Variants in PPP2R2C observed in about 807,000 individuals in gnomAD.
PPP2R2C encodes protein phosphatase 2 regulatory subunit Bgamma.
PPP2R2C carries 10 observed loss-of-function variants against 45.3 expected under a neutral mutation model. The observed-to-expected ratio is 0.22, with a 90% CI of 0.14 to 0.37. The LOEUF (loss-of-function observed/expected upper bound fraction) is 0.37, where lower values mean the gene tolerates loss of function less well. Among genes scored for constraint, PPP2R2C ranks in the 10% least tolerant of loss-of-function variants. PPP2R2C has a pLI of 1.00. For missense variants in PPP2R2C, 308 were observed against 619.7 expected, an observed-to-expected ratio of 0.50 and a Z score of 5.34; for synonymous variants, 257 against 245.4, an observed-to-expected ratio of 1.05 and a Z score of -0.44.
intron 6 of PPP2R2C, among the ~76,000 whole-genome samples, chr4:6,343,752 G>C (rs974642543): frequency 4.7e-4 from 72 of 152,162 alleles, no homozygotes; most frequent in African/African-American, 1.7e-3. Flanking sequence ...ACACCAAATA[G>C]ATTTGCACAC....
intron 6 of PPP2R2C, among the ~76,000 whole-genome samples, chr4:6,334,858 C>T (rs922030085): frequency 4.6e-5 from 7 of 152,280 alleles, no homozygotes; most frequent in East Asian, 1.9e-4. Flanking sequence ...CTGAGGCTCC[C>T]GAGAGGCCCC....
At chr4:6,391,159 G>T (rs1456316551) in intron 1 of PPP2R2C, among the ~76,000 whole-genome samples, 1 of 152,158 alleles carries the variant, frequency 6.6e-6, no homozygotes, top group Admixed American at 6.5e-5. Flanking sequence ...GGACACCCAG[G>T]AACCCAGGAT....
chr4:6,425,870 G>C (rs544067406), intron 1 of PPP2R2C, among the ~76,000 whole-genome samples: 3 of 152,150 alleles, frequency 2.0e-5, no homozygotes, highest in Admixed American at 6.5e-5. Flanking sequence ...TGTGGGGTGT[G>C]TGTGTGTGGT....
chr4:6,559,883 T>C (rs1725521097), intron 1 of PPP2R2C, among the ~76,000 whole-genome samples: 1 of 152,220 alleles, frequency 6.6e-6, no homozygotes, highest in African/African-American at 2.4e-5. Flanking sequence ...TGGTGTTTTG[T>C]TACGGCAGCC....
At chr4:6,406,988 A>T (rs1453678732) in intron 1 of PPP2R2C, among the ~76,000 whole-genome samples, 1 of 152,126 alleles carries the variant, frequency 6.6e-6, no homozygotes, top group Non-Finnish European at 1.5e-5. Context: ...AAAGAGGAGG[A>T]GGTGATGTAA....
intron 1 of PPP2R2C, chr4:6,383,182 G>T (rs185308310): frequency 8.4e-7 from 1 of 1,183,752 alleles, no homozygotes; most frequent in African/African-American, 1.6e-5. Context: ...CAGGACCTGC[G>T]CAGGCTGGCC....
chr4:6,430,298 C>A (rs1304959666), intron 1 of PPP2R2C, among the ~76,000 whole-genome samples: 2 of 152,302 alleles, frequency 1.3e-5, no homozygotes. Context: ...GAAGCTGAGG[C>A]CCAGAGAGGC....
intron 6 of PPP2R2C, among the ~76,000 whole-genome samples, chr4:6,340,828 G>C (rs544827004): frequency 1.3e-5 from 2 of 152,366 alleles, no homozygotes; most frequent in South Asian, 4.1e-4. Flanking sequence ...GCTCTGGCCT[G>C]TGAGGCCTCC....
At chr4:6,511,585 G>A (rs867920664) in intron 2 of PPP2R2C, among the ~76,000 whole-genome samples, 1 of 74,146 alleles carries the variant, frequency 1.3e-5, no homozygotes, top group African/African-American at 5.3e-5. Context: ...GGCGGTGGTG[G>A]TGGTGGTGGT....
chr4:6,467,131 C>G (rs1721639581), intron 1 of PPP2R2C, among the ~76,000 whole-genome samples: 1 of 152,150 alleles, frequency 6.6e-6, no homozygotes, highest in Non-Finnish European at 1.5e-5. Flanking sequence ...CCAAGGGAAG[C>G]TTATGTAAGT....
At chr4:6,552,118 G>A (rs985730451) in intron 1 of PPP2R2C, among the ~76,000 whole-genome samples, 6 of 152,232 alleles carry the variant, frequency 3.9e-5, no homozygotes, top group Non-Finnish European at 8.8e-5. Context: ...GGGGAGACCT[G>A]AGCCCACTGT....
Position 6,350,589 on chromosome 4 carries a change from G to A in PPP2R2C, c.626-2579C>T, listed in dbSNP as rs565096231. 11 of 985,362 alleles carry A rather than the reference G, an allele frequency of 1.1e-5. No individual in the cohort carries two copies. The South Asian group carries it at 1.9e-4, about 17-fold the overall frequency. 61.0% of individuals were successfully genotyped at this position (985,362 alleles called of 1,614,324 possible). Reference sequence around the variant, plus strand: ...TTCCTGGGGTTATAACTCATGGGGCGCAGTGGGTGCAGGAGGACTCGGTGG... The same window carrying A: ...TTCCTGGGGTTATAACTCATGGGGCACAGTGGGTGCAGGAGGACTCGGTGG... On this transcript the variant is annotated intron_variant, in intron 5 of 8. Transcript: ENST00000382599.
intron 6 of PPP2R2C, among the ~76,000 whole-genome samples, chr4:6,342,723 G>A (rs980626596): frequency 1.3e-5 from 2 of 152,158 alleles, no homozygotes; most frequent in African/African-American, 2.4e-5. Context: ...TTGTTTCCAC[G>A]GTTACCCTGT....
At chr4:6,498,551 G>T (rs1308903990) in intron 2 of PPP2R2C, among the ~76,000 whole-genome samples, 1 of 152,176 alleles carries the variant, frequency 6.6e-6, no homozygotes, top group Non-Finnish European at 1.5e-5. Flanking sequence ...CAATGGGGTG[G>T]AGATAATTCA....
In PPP2R2C at chr4:6,321,577, A is replaced by G. The variant is rs1731553538; in HGVS notation, c.*1725T>C. 1 of 152,468 alleles carries G rather than the reference A, an allele frequency of 6.6e-6. No homozygotes were observed. The highest frequency in any genetic ancestry group is 1.5e-5 in the Non-Finnish European group (1 of 68,048). The allele number at this position is 152,468 out of a possible 1,614,324, so 9.4% of individuals were successfully genotyped here. On this transcript the variant is annotated 3_prime_UTR_variant, in exon 9 of 9. Transcript: ENST00000382599. ...ATGCACTTTGTGCTTTTACACACAC[A>G]AAAGTATACTGTAATCCACTGAGAA... is the stretch of plus-strand genomic sequence containing the variant.
At position 6,320,643 on chromosome 4, in the gene PPP2R2C, T is replaced by A. The variant is rs188444246; in HGVS notation, c.*2659A>T. Reference sequence around the variant, plus strand: ...TGGTATTAACATATTTATAGTTTTATTCAACAATTGGGTAATTTGTGAGAC... The same window carrying A: ...TGGTATTAACATATTTATAGTTTTAATCAACAATTGGGTAATTTGTGAGAC... On this transcript the variant is annotated 3_prime_UTR_variant, in exon 9 of 9. Coordinates refer to ENST00000382599, the MANE Select transcript of PPP2R2C (RefSeq NM_020416.4). The A allele has an allele frequency of 6.6e-6, 1 of 152,570 alleles. No individual in the cohort carries two copies. Among genetic ancestry groups the A allele is most frequent in the African/African-American group, 2.4e-5 (1 of 41,440 alleles). 9.5% of individuals were successfully genotyped at this position (152,570 alleles called of 1,614,324 possible).
chr4:6,406,104 C>T (rs184730112), intron 1 of PPP2R2C, among the ~76,000 whole-genome samples: 4 of 152,290 alleles, frequency 2.6e-5, no homozygotes, highest in East Asian at 1.9e-4. Flanking sequence ...ATTCGGAGCA[C>T]GTTACAAGAA....
rs1051409927 is a variant in PPP2R2C, at chr4:6,345,985, C to T, written c.790+1861G>A. ...CGGGTCTGAAACCTGCCTGCTGGTCCCTGGCACCCCCTGTTGTTCCAGGCC... is the reference window on the plus strand; with the variant it reads ...CGGGTCTGAAACCTGCCTGCTGGTCTCTGGCACCCCCTGTTGTTCCAGGCC... On this transcript the variant is annotated intron_variant, in intron 6 of 8. Transcript: ENST00000382599. This position sits in a 1 kb window ranked among gnomAD's most constrained non-coding sequence, Gnocchi z 5.3. Among the ~76,000 whole-genome samples the T allele has an allele frequency of 3.3e-5, 5 of 152,166 alleles. No individual in the cohort carries two copies. Among genetic ancestry groups the T allele is most frequent in the African/African-American group, 1.2e-4 (5 of 41,438 alleles).
intron 5 of PPP2R2C, among the ~76,000 whole-genome samples, chr4:6,369,617 C>A (rs889738207): frequency 6.6e-6 from 1 of 152,192 alleles, no homozygotes; most frequent in African/African-American, 2.4e-5. Flanking sequence ...CCTGCCTGCA[C>A]CATCCACAGT....
Sources: gnomAD v4.1 joint callset for allele counts (sites outside exome capture counted in the v4.1 genomes callset) on GRCh38, gnomAD v4.1.1 for gene constraint, Gnocchi (gnomAD v3.1) non-coding constraint, MANE v1.5 for transcripts, NCBI Gene and HGNC (gene_info 2026-07-23, HGNC 2026-07-21) for gene names.